The following TULP4 variants were observed in gnomAD, a reference collection of about 807,000 sequenced individuals.
TULP4 encodes TUB like protein 4.
A neutral mutation model predicts 129.0 loss-of-function variants in TULP4; 16 were observed. That is an observed-to-expected ratio of 0.12 (90% CI 0.08 to 0.19). The LOEUF (loss-of-function observed/expected upper bound fraction) is 0.19, where lower values mean the gene tolerates loss of function less well. TULP4 is among the 10% of genes least tolerant of loss of function. The pLI is 1.00. For synonymous variants in TULP4, 998 were observed against 854.0 expected (o/e 1.17, Z -2.94); for missense variants, 1,842 against 2,059.1 (o/e 0.89, Z 2.04).
chr6:158,330,398 A>G (rs1779849965), intron 1 of TULP4, among the ~76,000 whole-genome samples: 2 of 152,264 alleles, frequency 1.3e-5, no homozygotes, highest in African/African-American at 2.4e-5. Flanking sequence ...AAATTGGAAT[A>G]AAGTACAAAG....
At chr6:158,478,376 G>A (rs748813556) in intron 6 of TULP4, among the ~76,000 whole-genome samples, 3 of 152,218 alleles carry the variant, frequency 2.0e-5, no homozygotes, top group Non-Finnish European at 4.4e-5. Flanking sequence ...TACTAATAGA[G>A]CCTCTGTCCT....
chr6:158,449,301 G>T, intron 4 of TULP4, 125 bp downstream of exon 4: 1 of 997,922 alleles, frequency 1.0e-6, no homozygotes, highest in Non-Finnish European at 1.4e-6. Flanking sequence ...CGGGCTTCCT[G>T]GGAAGAGTTA....
chr6:158,239,825 C>A (rs1583665083), intron 1 of TULP4, among the ~76,000 whole-genome samples: 1 of 78,550 alleles, frequency 1.3e-5, no homozygotes, highest in African/African-American at 4.2e-5. Flanking sequence ...CTGACCCCCC[C>A]ACCTCCCTCC....
Position 158,503,606 on chromosome 6 carries a change from T to TTCCAGGAAG in TULP4, c.3947_3955dup (p.Gln1316_Val1318dup), listed in dbSNP as rs1562595596. On this transcript the variant is annotated inframe_insertion, in exon 13 of 14. Transcript: ENST00000367097. The surrounding 1 kb of genome is among the most constrained non-coding windows in gnomAD (Gnocchi z 4.3). ...GGTGATGGTAGAGACTGCAGACAAC[T>TTCCAGGAAG]TCCAGGAAGTCCTCTCCCTGACCGA... 1.2e-6 allele frequency: 2 copies of TTCCAGGAAG among 1,613,974 alleles called. No homozygotes were observed. Among genetic ancestry groups the TTCCAGGAAG allele is most frequent in the Middle Eastern group, 1.6e-4 (1 of 6,062 alleles).
At chr6:158,498,530 G>T in intron 11 of TULP4, 139 bp from the exon 12 acceptor site, 1 of 1,026,458 alleles carries the variant, frequency 9.7e-7, no homozygotes. Context: ...GCTCCTCTCA[G>T]CCTCTGGGCC....
At chr6:158,304,840 T>C (rs1284635798) in intron 1 of TULP4, among the ~76,000 whole-genome samples, 1 of 151,968 alleles carries the variant, frequency 6.6e-6, no homozygotes, top group Non-Finnish European at 1.5e-5. Context: ...CTGATTTTTT[T>C]ATTTTTTGTA....
At chr6:158,365,604 G>GT (rs1235560806) in intron 1 of TULP4, among the ~76,000 whole-genome samples, 1 of 151,432 alleles carries the variant, frequency 6.6e-6, no homozygotes, top group Non-Finnish European at 1.5e-5. Flanking sequence ...AGCCTCCTGA[G>GT]TAGCTGGGAC....
intron 1 of TULP4, among the ~76,000 whole-genome samples, chr6:158,384,064 T>TG (rs1777385030): frequency 6.6e-6 from 1 of 152,166 alleles, no homozygotes; most frequent in African/African-American, 2.4e-5. Context: ...GTTGGTGGGA[T>TG]GGGGGAAACA....
intron 1 of TULP4, among the ~76,000 whole-genome samples, chr6:158,235,966 C>A (rs1385610699): frequency 1.3e-5 from 2 of 152,186 alleles, no homozygotes; most frequent in Admixed American, 6.5e-5. Flanking sequence ...TGTGTTAAAT[C>A]CTTGCTGGGT....
intron 1 of TULP4, among the ~76,000 whole-genome samples, chr6:158,407,212 G>A (rs920628121): frequency 2.0e-5 from 3 of 152,216 alleles, no homozygotes; most frequent in African/African-American, 7.2e-5. Flanking sequence ...CTAAAAATGG[G>A]CAAAGAATCT....
chr6:158,395,193 A>G (rs1319807252), intron 1 of TULP4, among the ~76,000 whole-genome samples: 1 of 152,114 alleles, frequency 6.6e-6, no homozygotes, highest in Non-Finnish European at 1.5e-5. Context: ...CAAATATTCA[A>G]ACCATACCAT....
At chr6:158,387,250 T>C (rs1777468674) in intron 1 of TULP4, among the ~76,000 whole-genome samples, 1 of 152,152 alleles carries the variant, frequency 6.6e-6, no homozygotes, top group South Asian at 2.1e-4. Flanking sequence ...TTGAGACCCC[T>C]GCTGGTCAGG....
chr6:158,443,389 TTACA>T (rs1778944719), intron 3 of TULP4, among the ~76,000 whole-genome samples: 1 of 152,178 alleles, frequency 6.6e-6, no homozygotes, highest in Non-Finnish European at 1.5e-5. Context: ...AGTCCTGGGA[TTACA>T]GGCATGAGCT....
At chr6:158,337,208 C>T (rs963684585) in intron 1 of TULP4, among the ~76,000 whole-genome samples, 2 of 138,902 alleles carry the variant, frequency 1.4e-5, no homozygotes, top group African/African-American at 5.4e-5. Flanking sequence ...TCATGGCTCA[C>T]TGCAGAGCAT....
Position 158,503,136 on chromosome 6 carries a change from G to A in TULP4, c.3473G>A (p.Gly1158Asp). ...CTGTCCTCTCTGATGCTGAGTCAGG[G>A]CCAGCACCTGGACGTGTCCCGACTG... is the stretch of plus-strand genomic sequence containing the variant. ...LKLSSLMLSQ[G>D]QHLDVSRLPF... Residue 1158 changes from glycine to aspartate, a missense_variant, in exon 13 of 14, where the codon GGC (glycine) becomes GAC (aspartate). Physicochemically the swap from Gly to Asp is moderately conservative, Grantham distance 94. Transcript: ENST00000367097. The surrounding 1 kb of genome is among the most constrained non-coding windows in gnomAD (Gnocchi z 4.3). 1 of 1,613,758 alleles carries A rather than the reference G, an allele frequency of 6.2e-7. No homozygotes were observed. Among genetic ancestry groups the A allele is most frequent in the Non-Finnish European group, 8.5e-7 (1 of 1,179,780 alleles).
chr6:158,330,848 A>G (rs533501556), intron 1 of TULP4, among the ~76,000 whole-genome samples: 9 of 152,306 alleles, frequency 5.9e-5, no homozygotes, highest in African/African-American at 1.7e-4. Context: ...TTGACCTTTT[A>G]GAAGAATGCT....
At chr6:158,278,855 TG>T (rs1378995326), upstream of TULP4, among the ~76,000 whole-genome samples, 1 of 152,120 alleles carries the variant, frequency 6.6e-6, no homozygotes, top group Non-Finnish European at 1.5e-5. Flanking sequence ...AGTCTCTATT[TG>T]GGGAGCTTTC....
At chr6:158,457,248 G>A (rs776556628) in intron 5 of TULP4, among the ~76,000 whole-genome samples, 2 of 152,120 alleles carry the variant, frequency 1.3e-5, no homozygotes, top group Admixed American at 6.5e-5. Flanking sequence ...AAGGTAACTC[G>A]CACTATTGTT....
intron 1 of TULP4, among the ~76,000 whole-genome samples, chr6:158,385,337 G>T (rs2114927412): frequency 6.6e-6 from 1 of 152,230 alleles, no homozygotes; most frequent in South Asian, 2.1e-4. Context: ...TGCAGTCAGG[G>T]CATCCAGCGT....
Sources: allele counts gnomAD v4.1 joint callset (sites outside exome capture counted in the v4.1 genomes callset), GRCh38; gene constraint gnomAD v4.1.1; non-coding constraint Gnocchi (gnomAD v3.1); transcripts MANE v1.5; gene names NCBI Gene and HGNC (gene_info 2026-07-23, HGNC 2026-07-21).